Variants in ULK4 observed in about 807,000 individuals in gnomAD.
The protein encoded by ULK4 is unc-51 like kinase 4.
ULK4 carries 133 observed loss-of-function variants against 160.6 expected under a neutral mutation model. That is an observed-to-expected ratio of 0.83 (90% CI 0.72 to 0.96). The LOEUF is 0.96. Among genes scored for constraint, ULK4 ranks in the 40% least tolerant of loss-of-function variants. The pLI is 0.00. For missense variants in ULK4, 1,580 were observed against 1,499.5 expected, an observed-to-expected ratio of 1.05 and a Z score of -0.89; for synonymous variants, 534 against 539.8, an observed-to-expected ratio of 0.99 and a Z score of 0.15.
At chr3:41,734,420 A>G (rs1300203997) in intron 22 of ULK4, among the ~76,000 whole-genome samples, 4 of 152,150 alleles carry the variant, frequency 2.6e-5, no homozygotes, top group Admixed American at 2.6e-4. Context: ...TTTGATTTGT[A>G]TACGTTAAAT....
intron 5 of ULK4, among the ~76,000 whole-genome samples, chr3:41,923,399 T>C (rs561732858): frequency 6.6e-6 from 1 of 152,048 alleles, no homozygotes; most frequent in Admixed American, 6.5e-5. Flanking sequence ...CTTGGGAGAC[T>C]GAGACCAGAG....
intron 27 of ULK4, among the ~76,000 whole-genome samples, chr3:41,695,668 T>C (rs1048388134): frequency 6.6e-6 from 1 of 152,110 alleles, no homozygotes; most frequent in Non-Finnish European, 1.5e-5. Context: ...AAGATGGCCA[T>C]GTCCTGTGTG....
chr3:41,690,354 A>G (rs2036254556), intron 27 of ULK4, among the ~76,000 whole-genome samples: 4 of 151,462 alleles, frequency 2.6e-5, no homozygotes, highest in Admixed American at 2.0e-4. Flanking sequence ...TGACGAGTTA[A>G]TGGGTGCAGC....
At position 41,663,599 on chromosome 3, in the gene ULK4, T is replaced by C. The variant is rs371992585; in HGVS notation, c.3071+8A>G. The C allele has an allele frequency of 2.4e-5, 38 of 1,611,408 alleles. No homozygotes were observed. The highest frequency in any genetic ancestry group is 2.9e-5 in the Non-Finnish European group (34 of 1,177,714). ...GACACAAGAAAAAGAAATTTGAACT[T>C]CCAGTACCTTGTGAAAGTTGGGTTG... On this transcript the variant is annotated splice_region_variant and intron_variant, in intron 30 of 36. Coordinates refer to ENST00000301831, the MANE Select transcript of ULK4 (RefSeq NM_017886.4).
At chr3:41,773,004 T>C (rs1400343744) in intron 21 of ULK4, among the ~76,000 whole-genome samples, 1 of 152,204 alleles carries the variant, frequency 6.6e-6, no homozygotes, top group Non-Finnish European at 1.5e-5. Context: ...GAAAAGGTCT[T>C]TGACAAAATT....
intron 21 of ULK4, among the ~76,000 whole-genome samples, chr3:41,759,612 T>C (rs1189962048): frequency 6.6e-6 from 1 of 152,184 alleles, no homozygotes; most frequent in East Asian, 1.9e-4. Flanking sequence ...ACAGGGCATT[T>C]TGTGGATGTA....
chr3:41,812,909 G>C (rs1026630117), intron 19 of ULK4, among the ~76,000 whole-genome samples: 1 of 152,102 alleles, frequency 6.6e-6, no homozygotes, highest in African/African-American at 2.4e-5. Context: ...TCCATTTCTG[G>C]GGGACAGGTA....
chr3:41,464,597 T>C (rs879603648), intron 32 of ULK4, among the ~76,000 whole-genome samples: 3 of 152,180 alleles, frequency 2.0e-5, no homozygotes, highest in Non-Finnish European at 4.4e-5. Context: ...GCATCACCCA[T>C]GTACAGGCTA....
intron 34 of ULK4, among the ~76,000 whole-genome samples, chr3:41,454,177 TAA>T (rs776400442): frequency 0.042 from 5,428 of 129,930 alleles, 378 homozygotes; most frequent in African/African-American, 0.14. Context: ...AAAGTATAAT[TAA>T]AAAAAAAAAA....
chr3:41,510,596 C>T (rs1293343835), intron 32 of ULK4, among the ~76,000 whole-genome samples: 1 of 152,104 alleles, frequency 6.6e-6, no homozygotes, highest in Non-Finnish European at 1.5e-5. Flanking sequence ...AAATAAGTCT[C>T]AGTAAATTTT....
chr3:41,875,956 T>A (rs1333794559), intron 17 of ULK4, among the ~76,000 whole-genome samples: 1 of 144,706 alleles, frequency 6.9e-6, no homozygotes, highest in Admixed American at 6.8e-5. Context: ...ACCTATGATA[T>A]GTTCTTACCA....
At chr3:41,580,227 G>T (rs144687122) in intron 31 of ULK4, among the ~76,000 whole-genome samples, 5 of 152,090 alleles carry the variant, frequency 3.3e-5, no homozygotes, top group Non-Finnish European at 7.4e-5. Context: ...GAGCACAGAG[G>T]GGGTGCTGGT....
intron 35 of ULK4, among the ~76,000 whole-genome samples, chr3:41,283,652 G>A (rs545618212): frequency 1.4e-4 from 21 of 152,216 alleles, no homozygotes; most frequent in African/African-American, 5.1e-4. Context: ...CAGCGGGTAG[G>A]GGGCTGGGGG....
chr3:41,545,114 T>C (rs1023732266), intron 32 of ULK4, among the ~76,000 whole-genome samples: 2 of 152,178 alleles, frequency 1.3e-5, no homozygotes, highest in Non-Finnish European at 2.9e-5. Flanking sequence ...GGCAGATTTG[T>C]GGAGGTCCTC....
intron 30 of ULK4, among the ~76,000 whole-genome samples, chr3:41,648,287 G>A (rs1296381854): frequency 2.0e-5 from 3 of 152,156 alleles, no homozygotes; most frequent in African/African-American, 7.2e-5. Flanking sequence ...GGTCTTCTGT[G>A]TCGCTCACGC....
At chr3:41,658,735 A>ACACACACACACACACTCT (rs766968934) in intron 30 of ULK4, among the ~76,000 whole-genome samples, 19 of 131,344 alleles carry the variant, frequency 1.4e-4, no homozygotes, top group South Asian at 2.6e-4. Flanking sequence ...CAGTACACAC[A>ACACACACACACACACTCT]CACACACACA....
intron 17 of ULK4, chr3:41,859,680 CAG>C: frequency 2.5e-6 from 1 of 393,454 alleles, no homozygotes; most frequent in South Asian, 2.0e-5. Context: ...GTTTTTTAGA[CAG>C]AGTCTCACTC....
chr3:41,438,451 C>A (rs1197762855), intron 34 of ULK4, among the ~76,000 whole-genome samples: 1 of 152,056 alleles, frequency 6.6e-6, no homozygotes, highest in East Asian at 1.9e-4. Context: ...AAAATTTGCA[C>A]CCTTCCCCAG....
chr3:41,957,986 G>A (rs548366115), intron 1 of ULK4, among the ~76,000 whole-genome samples: 1 of 150,226 alleles, frequency 6.7e-6, no homozygotes, highest in South Asian at 2.1e-4. Flanking sequence ...AGAGGTTGCA[G>A]TGAGCCAAGA....
Sources: gnomAD v4.1 joint callset for allele counts (sites outside exome capture counted in the v4.1 genomes callset) on GRCh38, gnomAD v4.1.1 for gene constraint, MANE v1.5 for transcripts, NCBI Gene and HGNC (gene_info 2026-07-23, HGNC 2026-07-21) for gene names.